Variants in PCDH11Y observed in about 807,000 individuals in gnomAD.
The protein encoded by PCDH11Y is protocadherin 11 Y-linked.
For missense variants in PCDH11Y, 12 were observed against 224.8 expected (o/e 0.05, Z 6.05); for synonymous variants, 9 against 83.6 (o/e 0.11, Z 4.87).
chrY:5,359,832 C>T, intron 2 of PCDH11Y, among the ~76,000 whole-genome samples: 1 of 32,709 alleles, frequency 3.1e-5, no homozygotes, highest in African/African-American at 1.2e-4. Context: ...AGTTTTTTAT[C>T]CTACCTTCTG....
intron 2 of PCDH11Y, among the ~76,000 whole-genome samples, chrY:5,414,106 T>C (rs2124678829): frequency 3.1e-5 from 1 of 32,517 alleles, no homozygotes; most frequent in South Asian, 6.9e-4. Context: ...AATTCAGCTC[T>C]GATTTTGGAT....
downstream of PCDH11Y, among the ~76,000 whole-genome samples, chrY:5,108,038 G>C (rs375473641): frequency 3.2e-4 from 6 of 18,651 alleles, no homozygotes; most frequent in Non-Finnish European, 5.4e-4. Context: ...CAGCCTGGGC[G>C]ACAGAGCCAG....
chrY:5,642,195 T>C, intron 4 of PCDH11Y, among the ~76,000 whole-genome samples: 1 of 33,036 alleles, frequency 3.0e-5, no homozygotes, highest in Non-Finnish European at 7.5e-5. Flanking sequence ...CTGACAAATC[T>C]GCCATAGATG....
intron 3 of PCDH11Y, among the ~76,000 whole-genome samples, chrY:5,519,319 G>A (rs2053377264): frequency 3.4e-5 from 1 of 29,578 alleles, no homozygotes; most frequent in African/African-American, 1.3e-4. Context: ...GAACCCAGGA[G>A]GCGGAGCTTG....
At chrY:5,026,177 T>C (rs2052578404) in intron 1 of PCDH11Y, among the ~76,000 whole-genome samples, 1 of 33,173 alleles carries the variant, frequency 3.0e-5, no homozygotes, top group Non-Finnish European at 7.5e-5. Flanking sequence ...AGTTTAAAAA[T>C]GGTTCATATA....
At chrY:5,574,277 A>G in intron 3 of PCDH11Y, 1 of 340,606 alleles carries the variant, frequency 2.9e-6, no homozygotes, top group Non-Finnish European at 4.2e-6. Context: ...ATCACCACCT[A>G]CCGCCGCCTG....
chrY:5,219,812 A>C, intron 2 of PCDH11Y, among the ~76,000 whole-genome samples: 1 of 33,893 alleles, frequency 3.0e-5, no homozygotes, highest in South Asian at 6.4e-4. Context: ...AACAAACAAA[A>C]AAAACACTGC....
intron 2 of PCDH11Y, among the ~76,000 whole-genome samples, chrY:5,168,568 TATATATATATA>T (rs2052883242): frequency 1.4e-4 from 2 of 14,004 alleles, no homozygotes; most frequent in African/African-American, 6.0e-4. Flanking sequence ...TATATATATA[TATATATATATA>T]TATATATATA....
intron 2 of PCDH11Y, among the ~76,000 whole-genome samples, chrY:5,179,794 T>G (rs2052898154): frequency 3.0e-5 from 1 of 33,492 alleles, no homozygotes; most frequent in Non-Finnish European, 7.4e-5. Flanking sequence ...GAGTTAACTT[T>G]TGTGTAAGGT....
chrY:5,228,488 T>G, intron 2 of PCDH11Y, among the ~76,000 whole-genome samples: 1 of 31,325 alleles, frequency 3.2e-5, no homozygotes, highest in African/African-American at 1.2e-4. Flanking sequence ...GCTCTTACTT[T>G]TCTAGTTCTT....
intron 2 of PCDH11Y, among the ~76,000 whole-genome samples, chrY:5,308,803 G>A: frequency 3.1e-5 from 1 of 32,347 alleles, no homozygotes; most frequent in Non-Finnish European, 7.6e-5. Flanking sequence ...AGTTCGGGCC[G>A]GGTGCAGTGG....
At chrY:5,410,761 C>T (rs2053246668) in intron 2 of PCDH11Y, among the ~76,000 whole-genome samples, 1 of 29,970 alleles carries the variant, frequency 3.3e-5, no homozygotes, top group Non-Finnish European at 7.9e-5. Context: ...ATTTAGCTCC[C>T]ACTTATAGGT....
chrY:5,120,500 A>G, intron 2 of PCDH11Y, among the ~76,000 whole-genome samples: 1 of 32,748 alleles, frequency 3.1e-5, no homozygotes, highest in Non-Finnish European at 7.5e-5. Flanking sequence ...GTTGCTTCCT[A>G]AACCCTGCCA....
chrY:5,537,118 G>C (rs2053401166), intron 3 of PCDH11Y, among the ~76,000 whole-genome samples: 165 of 32,127 alleles, frequency 5.1e-3, no homozygotes, highest in African/African-American at 0.019. Flanking sequence ...GGAATCTGAT[G>C]GGAGTTGTAT....
At chrY:5,495,717 G>C in intron 2 of PCDH11Y, among the ~76,000 whole-genome samples, 1 of 32,991 alleles carries the variant, frequency 3.0e-5, no homozygotes, top group Admixed American at 2.8e-4. Flanking sequence ...TGATACTCAA[G>C]TATTCTATAA....
At chrY:5,633,970 C>T (rs2053514901) in intron 4 of PCDH11Y, among the ~76,000 whole-genome samples, 1 of 31,284 alleles carries the variant, frequency 3.2e-5, no homozygotes, top group Non-Finnish European at 7.8e-5. Flanking sequence ...ATCCCAGTAC[C>T]TTGGGAGGCC....
At chrY:5,694,313 T>A in intron 4 of PCDH11Y, among the ~76,000 whole-genome samples, 1 of 32,631 alleles carries the variant, frequency 3.1e-5, no homozygotes, top group Non-Finnish European at 7.6e-5. Flanking sequence ...ATATATATAT[T>A]TACTTAAATT....
At chrY:5,337,645 T>A in intron 2 of PCDH11Y, 1 of 167,002 alleles carries the variant, frequency 6.0e-6, no homozygotes, top group Non-Finnish European at 8.6e-6. Context: ...AGAAAAAAAA[T>A]GACAAGTCTA....
chrY:5,468,649 C>CT (rs759342669), intron 2 of PCDH11Y, among the ~76,000 whole-genome samples: 273 of 29,115 alleles, frequency 9.4e-3, no homozygotes, highest in Non-Finnish European at 0.021. Context: ...CAAGGCCTCA[C>CT]TTTTTTTAAA....
Sources: allele counts gnomAD v4.1 joint callset (sites outside exome capture counted in the v4.1 genomes callset), GRCh38; gene constraint gnomAD v4.1.1; transcripts MANE v1.5; gene names NCBI Gene and HGNC (gene_info 2026-07-23, HGNC 2026-07-21).